Variants in SFXN1 observed in about 807,000 individuals in gnomAD.
SFXN1 encodes sideroflexin-1.
SFXN1 carries 32 observed loss-of-function variants against 39.5 expected under a neutral mutation model. The ratio of observed to expected loss-of-function variants is 0.81; its 90% CI spans 0.61 to 1.09. SFXN1 has a LOEUF of 1.09. Ranked by LOEUF, SFXN1 falls within the 50% of genes least tolerant of loss-of-function variation. The pLI is 0.00. For synonymous variants in SFXN1, 136 were observed against 146.5 expected (o/e 0.93, Z 0.52); for missense variants, 402 against 407.1 (o/e 0.99, Z 0.11).
chr5:175,484,546 C>T (rs950100466), intron 1 of SFXN1, among the ~76,000 whole-genome samples: 5 of 152,346 alleles, frequency 3.3e-5, no homozygotes, highest in East Asian at 3.9e-4. Flanking sequence ...CTGACCCCTG[C>T]GGGTGGAAAA....
chr5:175,513,920 G>A (rs1387890724), intron 7 of SFXN1, among the ~76,000 whole-genome samples: 1 of 151,946 alleles, frequency 6.6e-6, no homozygotes, highest in African/African-American at 2.4e-5. Context: ...GGCATTACGG[G>A]TGCAGGTGCA....
chr5:175,509,313 G>C, intron 3 of SFXN1, 111 bp downstream of exon 3: 1 of 1,083,226 alleles, frequency 9.2e-7, no homozygotes, highest in Non-Finnish European at 1.3e-6. Flanking sequence ...AGTATATGAA[G>C]TGACAAACAA....
chr5:175,510,940 G>A (rs56210407), intron 4 of SFXN1, among the ~76,000 whole-genome samples: 7 of 152,140 alleles, frequency 4.6e-5, no homozygotes, highest in Non-Finnish European at 7.3e-5. Context: ...TTTAAAAGAA[G>A]AGAGAATTGC....
intron 2 of SFXN1, among the ~76,000 whole-genome samples, chr5:175,500,577 T>C: frequency 6.6e-6 from 1 of 152,054 alleles, no homozygotes; most frequent in East Asian, 1.9e-4. Context: ...GTAAGATTCA[T>C]TGTAATCATC....
intron 1 of SFXN1, among the ~76,000 whole-genome samples, chr5:175,480,443 C>T (rs1347210627): frequency 6.6e-6 from 1 of 151,074 alleles, no homozygotes; most frequent in Non-Finnish European, 1.5e-5. Context: ...GAGCTATCAG[C>T]TCCCATCTCA....
At chr5:175,502,659 G>A (rs894309080) in intron 2 of SFXN1, among the ~76,000 whole-genome samples, 2 of 152,086 alleles carry the variant, frequency 1.3e-5, no homozygotes, top group Non-Finnish European at 2.9e-5. Context: ...GGACAACATG[G>A]AGAAACCATG....
intron 1 of SFXN1, among the ~76,000 whole-genome samples, chr5:175,487,040 T>G (rs1391704849): frequency 6.6e-6 from 1 of 152,158 alleles, no homozygotes; most frequent in African/African-American, 2.4e-5. Context: ...ATATCAGATC[T>G]TCACCGGGGA....
intron 1 of SFXN1, among the ~76,000 whole-genome samples, chr5:175,480,258 G>A (rs1759188610): frequency 6.6e-6 from 1 of 152,140 alleles, no homozygotes; most frequent in Non-Finnish European, 1.5e-5. Flanking sequence ...AAAATTAGCT[G>A]GGCGTGGTTG....
rs568455846 is a variant in SFXN1, at chr5:175,503,316, C to A, written c.165-5716C>A. On this transcript the variant is annotated intron_variant, in intron 2 of 10. Coordinates refer to ENST00000321442, the MANE Select transcript of SFXN1 (RefSeq NM_022754.7). ...TTCCCGATTCATTGCAACCCTGATACAATAAATGATTTAAAAAATACAAAA... is the reference window on the plus strand; with the variant it reads ...TTCCCGATTCATTGCAACCCTGATAAAATAAATGATTTAAAAAATACAAAA... 2.6e-5 allele frequency among the ~76,000 whole-genome samples: 4 copies of A among 152,180 alleles called. No homozygotes were observed. The East Asian group carries it at 7.7e-4, about 29-fold the overall frequency.
rs946726122 is a variant in SFXN1, at chr5:175,528,994, TGAC to T, written c.*2261_*2263del. 1.3e-5 allele frequency: 2 copies of T among 152,070 alleles called. No individual in the cohort carries two copies. The highest frequency in any genetic ancestry group is 2.9e-5 in the Non-Finnish European group (2 of 68,032). The allele number at this position is 152,070 out of a possible 1,614,324, so 9.4% of individuals were successfully genotyped here. The stretch of plus-strand genomic sequence containing the variant: ...AAGAGCTAATGACTGGTTAGAAGAT[TGAC>T]AAACTAACCAAAATTTTACACACTC... On this transcript the variant is annotated 3_prime_UTR_variant, in exon 11 of 11. Transcript: ENST00000321442.
intron 8 of SFXN1, among the ~76,000 whole-genome samples, chr5:175,520,215 A>G (rs915646102): frequency 2.0e-5 from 3 of 151,910 alleles, no homozygotes; most frequent in Admixed American, 2.0e-4. Flanking sequence ...GTACATATAT[A>G]TATATACACA....
chr5:175,488,763 G>A (rs1759546402), intron 1 of SFXN1, among the ~76,000 whole-genome samples: 1 of 152,166 alleles, frequency 6.6e-6, no homozygotes, highest in South Asian at 2.1e-4. Context: ...GGACATGGTG[G>A]CAGATGCCTG....
intron 2 of SFXN1, among the ~76,000 whole-genome samples, chr5:175,501,559 G>A (rs2113306322): frequency 6.6e-6 from 1 of 152,174 alleles, no homozygotes; most frequent in East Asian, 1.9e-4. Context: ...TCTCGTAAAG[G>A]ATTTGTATCC....
At chr5:175,507,710 C>T (rs530221201) in intron 2 of SFXN1, among the ~76,000 whole-genome samples, 22 of 152,292 alleles carry the variant, frequency 1.4e-4, no homozygotes, top group African/African-American at 3.4e-4. Flanking sequence ...TGGTGGCCCA[C>T]GCCTGTAATC....
intron 8 of SFXN1, among the ~76,000 whole-genome samples, chr5:175,519,342 T>C (rs767827731): frequency 1.4e-4 from 22 of 152,190 alleles, no homozygotes; most frequent in Non-Finnish European, 2.6e-4. Context: ...GCCATTTCCT[T>C]CCTAGATCTT....
chr5:175,483,384 T>C (rs1437615458), intron 1 of SFXN1, among the ~76,000 whole-genome samples: 1 of 152,148 alleles, frequency 6.6e-6, no homozygotes, highest in Admixed American at 6.5e-5. Context: ...CACCAAAATT[T>C]CTTAATACCG....
intron 1 of SFXN1, among the ~76,000 whole-genome samples, chr5:175,481,356 C>G (rs6861298): frequency 0.016 from 2,395 of 152,282 alleles, 51 homozygotes; most frequent in African/African-American, 0.055. Context: ...GAGTCTCGCT[C>G]TGTTGCCCAG....
At chr5:175,487,010 C>A (rs994476103) in intron 1 of SFXN1, among the ~76,000 whole-genome samples, 3 of 152,122 alleles carry the variant, frequency 2.0e-5, no homozygotes, top group Non-Finnish European at 4.4e-5. Context: ...CCTTGGTATT[C>A]AATTTTCTGA....
intron 2 of SFXN1, among the ~76,000 whole-genome samples, chr5:175,504,023 G>A (rs2644664): frequency 0.25 from 33,896 of 137,434 alleles, 5,130 homozygotes; most frequent in African/African-American, 0.4. Context: ...AAAAAAAAGG[G>A]ATCCTATGGA....
Sources: allele counts gnomAD v4.1 joint callset (sites outside exome capture counted in the v4.1 genomes callset), GRCh38; gene constraint gnomAD v4.1.1; transcripts MANE v1.5; gene names NCBI Gene and HGNC (gene_info 2026-07-23, HGNC 2026-07-21).